The following TBC1D5 variants were observed in gnomAD, a reference collection of about 807,000 sequenced individuals.
TBC1D5 encodes the protein TBC1 domain family member 5.
Under a neutral mutation model 100.3 loss-of-function variants are expected in TBC1D5, and 75 were observed. That is an observed-to-expected ratio of 0.75 (90% CI 0.62 to 0.91). The LOEUF (loss-of-function observed/expected upper bound fraction) is 0.91, where lower values mean the gene tolerates loss of function less well. Ranked by LOEUF, TBC1D5 falls within the 40% of genes least tolerant of loss-of-function variation. The probability of loss-of-function intolerance (pLI) is 0.00; values close to 1 mark genes in which losing one functional copy is unlikely to be tolerated. For synonymous variants in TBC1D5, 323 were observed against 325.6 expected (o/e 0.99, Z 0.09); for missense variants, 910 against 942.4 (o/e 0.97, Z 0.45).
intron 8 of TBC1D5, among the ~76,000 whole-genome samples, chr3:17,384,586 C>T (rs980585841): frequency 5.3e-5 from 8 of 151,428 alleles, no homozygotes; most frequent in Non-Finnish European, 7.4e-5. Flanking sequence ...GTATAAGGGC[C>T]GAGGGAATGT....
chr3:17,689,494 G>A lies in TBC1D5; in HGVS notation c.-101+49849C>T, dbSNP rs1318391970. ...GTCAAGGCTGCAGTGGGCCCTGCCT[G>A]GGCGACAGAGTGAGACCCTGTCTCA... On this transcript the variant is annotated intron_variant, in intron 1 of 21. Transcript: ENST00000253692. Among the ~76,000 whole-genome samples the A allele has an allele frequency of 2.7e-5, 4 of 150,186 alleles. No homozygotes were observed. In the East Asian group the frequency reaches 5.8e-4, roughly 22 times the overall value.
At chr3:17,720,208 C>G (rs1275024612) in intron 1 of TBC1D5, among the ~76,000 whole-genome samples, 1 of 152,048 alleles carries the variant, frequency 6.6e-6, no homozygotes, top group Non-Finnish European at 1.5e-5. Flanking sequence ...AAAGATAAAT[C>G]AAGAAATGGC....
chr3:17,454,381 C>G (rs1363756886), intron 3 of TBC1D5, among the ~76,000 whole-genome samples: 1 of 151,892 alleles, frequency 6.6e-6, no homozygotes, highest in Non-Finnish European at 1.5e-5. Flanking sequence ...CGTAAAGACT[C>G]TACAAAAAAA....
At chr3:17,229,970 A>AT (rs1283289782) in intron 17 of TBC1D5, among the ~76,000 whole-genome samples, 1 of 152,130 alleles carries the variant, frequency 6.6e-6, no homozygotes, top group Non-Finnish European at 1.5e-5. Context: ...ACAAAAATGC[A>AT]TTTTCTAGCT....
chr3:17,385,609 T>C (rs1048935851), intron 8 of TBC1D5, among the ~76,000 whole-genome samples: 1 of 152,062 alleles, frequency 6.6e-6, no homozygotes, highest in Non-Finnish European at 1.5e-5. Context: ...TTAAATAAAT[T>C]AAGGTCCATT....
At chr3:17,313,141 A>G (rs1047136836) in intron 13 of TBC1D5, among the ~76,000 whole-genome samples, 1 of 152,114 alleles carries the variant, frequency 6.6e-6, no homozygotes, top group Non-Finnish European at 1.5e-5. Flanking sequence ...TGTCCATTCC[A>G]ACTAGGGAGC....
chr3:17,527,377 T>C lies in TBC1D5; in HGVS notation c.-35-18772A>G, dbSNP rs2096151557. Among the ~76,000 whole-genome samples the C allele has an allele frequency of 1.3e-5, 2 of 151,946 alleles. 1 individual carries two copies. Among genetic ancestry groups the C allele is most frequent in the South Asian group, 4.2e-4 (2 of 4,814 alleles). On this transcript the variant is annotated intron_variant, in intron 2 of 21. Transcript: ENST00000253692. ...GGGAAATAGCTTGGAGGTCTGGAGATACTGGGGGAAAAAGAAGGGGAAACA... is the reference window on the plus strand; with the variant it reads ...GGGAAATAGCTTGGAGGTCTGGAGACACTGGGGGAAAAAGAAGGGGAAACA...
chr3:17,705,777 C>G (rs1198056604), intron 1 of TBC1D5, among the ~76,000 whole-genome samples: 12 of 141,116 alleles, frequency 8.5e-5, no homozygotes, highest in Non-Finnish European at 3.1e-5. Flanking sequence ...GGCAGCCAGG[C>G]AGAGGGGCTC....
At chr3:17,411,797 G>C (rs906418074) in intron 4 of TBC1D5, among the ~76,000 whole-genome samples, 1 of 152,124 alleles carries the variant, frequency 6.6e-6, no homozygotes, top group African/African-American at 2.4e-5. Flanking sequence ...TGTTGGTATA[G>C]GGAAAAGAAG....
At chr3:17,282,025 T>C (rs1000684460) in intron 15 of TBC1D5, among the ~76,000 whole-genome samples, 3 of 152,192 alleles carry the variant, frequency 2.0e-5, no homozygotes, top group Non-Finnish European at 4.4e-5. Context: ...AACTATTTCA[T>C]ATATAATAAG....
At chr3:17,374,820 C>A in intron 10 of TBC1D5, 141 bp from the exon 11 acceptor site, 3 of 771,536 alleles carry the variant, frequency 3.9e-6, no homozygotes, top group Non-Finnish European at 6.2e-6. Context: ...AAGAGCAATG[C>A]CATTAACAAA....
chr3:17,239,605 T>C (rs538243653), intron 16 of TBC1D5, among the ~76,000 whole-genome samples: 2 of 152,320 alleles, frequency 1.3e-5, no homozygotes, highest in South Asian at 4.1e-4. Flanking sequence ...CACCAATGAC[T>C]TCACATTGCA....
intron 13 of TBC1D5, among the ~76,000 whole-genome samples, chr3:17,350,503 G>T (rs1037537853): frequency 6.6e-6 from 1 of 152,094 alleles, no homozygotes; most frequent in Non-Finnish European, 1.5e-5. Flanking sequence ...GCTCAGAATT[G>T]ATTGAATGTG....
intron 4 of TBC1D5, among the ~76,000 whole-genome samples, chr3:17,420,892 C>G (rs1013921003): frequency 6.6e-6 from 1 of 152,116 alleles, no homozygotes; most frequent in Non-Finnish European, 1.5e-5. Flanking sequence ...CTTGGATGAT[C>G]AGGCTTTCAG....
chr3:17,600,213 ATATGTTATGT>A (rs59063083), intron 2 of TBC1D5, among the ~76,000 whole-genome samples: 11,399 of 151,112 alleles, frequency 0.075, 858 homozygotes, highest in African/African-American at 0.2. Context: ...GATTCATATA[ATATGTTATGT>A]TATGTTATGT....
At chr3:17,737,556 T>C (rs2077053070) in intron 1 of TBC1D5, among the ~76,000 whole-genome samples, 1 of 152,218 alleles carries the variant, frequency 6.6e-6, no homozygotes, top group African/African-American at 2.4e-5. Context: ...CTCTTTTTTC[T>C]AATGGCAGGC....
intron 3 of TBC1D5, among the ~76,000 whole-genome samples, chr3:17,441,498 C>G (rs1575965840): frequency 6.6e-6 from 1 of 152,076 alleles, no homozygotes; most frequent in Non-Finnish European, 1.5e-5. Context: ...AGCACAAAGG[C>G]ACTACTACAG....
intron 1 of TBC1D5, among the ~76,000 whole-genome samples, chr3:17,698,639 A>G (rs919577948): frequency 6.8e-6 from 1 of 147,048 alleles, no homozygotes; most frequent in Non-Finnish European, 1.5e-5. Context: ...TTCGCAACCT[A>G]CTCATCTGAC....
chr3:17,269,942 G>C (rs1258539225), intron 15 of TBC1D5, among the ~76,000 whole-genome samples: 1 of 152,084 alleles, frequency 6.6e-6, no homozygotes, highest in Non-Finnish European at 1.5e-5. Flanking sequence ...TGTGAATAGG[G>C]CTGCAATTAA....
Sources: gnomAD v4.1 joint callset for allele counts (sites outside exome capture counted in the v4.1 genomes callset) on GRCh38, gnomAD v4.1.1 for gene constraint, MANE v1.5 for transcripts, NCBI Gene and HGNC (gene_info 2026-07-23, HGNC 2026-07-21) for gene names.